TTC17: variants seen among roughly 807,000 people sequenced by gnomAD.
TTC17 encodes the protein tetratricopeptide repeat domain 17.
In TTC17, 58 loss-of-function variants were observed where a neutral mutation model predicts 143.8. The ratio of observed to expected loss-of-function variants is 0.40; its 90% CI spans 0.33 to 0.50. TTC17 has a LOEUF of 0.50. Among genes scored for constraint, TTC17 ranks in the 20% least tolerant of loss-of-function variants. The pLI, the probability that TTC17 is intolerant of heterozygous loss-of-function variation, is 0.49. For synonymous variants in TTC17, 501 were observed against 497.8 expected, an observed-to-expected ratio of 1.01 and a Z score of -0.09; for missense variants, 1,273 against 1,392.5, an observed-to-expected ratio of 0.91 and a Z score of 1.37.
At chr11:43,468,849 C>G (rs984442273) in intron 21 of TTC17, among the ~76,000 whole-genome samples, 2 of 151,928 alleles carry the variant, frequency 1.3e-5, no homozygotes, top group Non-Finnish European at 2.9e-5. Context: ...TGCTTGAGCC[C>G]AGGACTTTGA....
At position 43,493,961 on chromosome 11, in the gene TTC17, AAAG is replaced by A; in HGVS notation, c.*60_*62del. The A allele has an allele frequency of 6.6e-7, 1 of 1,510,824 alleles. No individual in the cohort carries two copies. The highest frequency in any genetic ancestry group is 8.9e-7 in the Non-Finnish European group (1 of 1,129,368). The allele number at this position is 1,510,824 out of a possible 1,614,324, so 93.6% of individuals were successfully genotyped here. A position where few individuals can be genotyped will look rare whatever the true frequency, so the allele number is the denominator to read the frequency against. ...CATGCTCTAAAAAAAAAGAATAAGA[AAAG>A]AAACCAATCATTGTCAGTATCTACT... On this transcript the variant is annotated 3_prime_UTR_variant, in exon 24 of 24. Coordinates refer to ENST00000039989, the MANE Select transcript of TTC17 (RefSeq NM_018259.6).
intron 21 of TTC17, among the ~76,000 whole-genome samples, chr11:43,469,366 A>G (rs148273530): frequency 1.6e-3 from 240 of 152,314 alleles, no homozygotes; most frequent in Non-Finnish European, 2.9e-3. Flanking sequence ...GCTGCTAGAA[A>G]TGTATCAAAG....
At chr11:43,393,299 G>C (rs1857457974) in intron 5 of TTC17, among the ~76,000 whole-genome samples, 1 of 152,154 alleles carries the variant, frequency 6.6e-6, no homozygotes, top group Non-Finnish European at 1.5e-5. Flanking sequence ...TGTTCCCACA[G>C]CTGCCTCCCC....
chr11:43,426,782 A>T (rs1158280386), intron 16 of TTC17, among the ~76,000 whole-genome samples: 1 of 152,162 alleles, frequency 6.6e-6, no homozygotes, highest in East Asian at 1.9e-4. Flanking sequence ...ACTTAATTTG[A>T]GGAGAAAAAA....
chr11:43,359,272 C>G (rs1165635404), intron 1 of TTC17, 159 bp downstream of exon 1: 1 of 878,300 alleles, frequency 1.1e-6, no homozygotes, highest in Non-Finnish European at 1.6e-6. Flanking sequence ...TCGGACCAGG[C>G]AGGCACTTCC....
At chr11:43,448,902 AAC>A (rs1352424103) in intron 19 of TTC17, 2 of 152,236 alleles carry the variant, frequency 1.3e-5, no homozygotes, top group South Asian at 2.1e-4. Flanking sequence ...TTAGGCCAAA[AAC>A]CTGGGAGTTA....
intron 1 of TTC17, among the ~76,000 whole-genome samples, chr11:43,361,655 A>G (rs1331299948): frequency 1.3e-5 from 2 of 152,270 alleles, no homozygotes; most frequent in African/African-American, 4.8e-5. Flanking sequence ...TTGTAAAGTC[A>G]AGAAATTATA....
Position 43,448,062 on chromosome 11 carries a change from G to T in TTC17, c.2726G>T (p.Arg909Leu). 6.2e-7 allele frequency: 1 copy of T among 1,614,100 alleles called. No individual in the cohort carries two copies. The highest frequency in any genetic ancestry group is 8.5e-7 in the Non-Finnish European group (1 of 1,179,978). The part of the protein sequence containing the change: ...WPSPDECLKL[R>L]WVELTAIVST... ...AGCCCGGACGAATGCCTCAAACTCC[G>T]CTGGGTAGAGCTGACTGCCATCGTG... The change falls in exon 19 of 24, where the codon CGC (arginine) becomes CTC (leucine). Residue 909 changes from arginine to leucine, a missense_variant. Arg to Leu is a moderately radical substitution (Grantham distance 102). Around this residue, in one of 3 missense-constraint regions of TTC17, gnomAD observed 878 missense variants for 899.8 expected, o/e 0.98. Coordinates refer to ENST00000039989, the MANE Select transcript of TTC17 (RefSeq NM_018259.6).
At chr11:43,376,054 G>A (rs959200629) in intron 1 of TTC17, among the ~76,000 whole-genome samples, 8 of 152,146 alleles carry the variant, frequency 5.3e-5, no homozygotes, top group Non-Finnish European at 1.2e-4. Context: ...ACATGTACAG[G>A]TTGAGTATCC....
chr11:43,434,231 A>ACACACT (rs1554994994), intron 16 of TTC17, among the ~76,000 whole-genome samples: 1 of 106,512 alleles, frequency 9.4e-6, no homozygotes, highest in African/African-American at 3.6e-5. Flanking sequence ...ACACACACAC[A>ACACACT]CTCTCATGGC....
intron 16 of TTC17, among the ~76,000 whole-genome samples, chr11:43,418,390 T>G (rs1446962398): frequency 6.6e-6 from 1 of 152,168 alleles, no homozygotes; most frequent in East Asian, 1.9e-4. Flanking sequence ...TGCCCACTCT[T>G]GAATTGACTG....
At chr11:43,372,082 A>C (rs1178673663) in intron 1 of TTC17, among the ~76,000 whole-genome samples, 1 of 152,202 alleles carries the variant, frequency 6.6e-6, no homozygotes, top group Admixed American at 6.5e-5. Context: ...TTTAAACAAA[A>C]AAGAAAGAAA....
intron 1 of TTC17, among the ~76,000 whole-genome samples, chr11:43,372,381 CAA>C: frequency 6.6e-6 from 1 of 151,858 alleles, no homozygotes; most frequent in South Asian, 2.1e-4. Context: ...CCTTTCACTG[CAA>C]CTTCCACTTC....
At chr11:43,409,165 CT>C (rs1858286643) in intron 15 of TTC17, among the ~76,000 whole-genome samples, 1 of 152,206 alleles carries the variant, frequency 6.6e-6, no homozygotes, top group Non-Finnish European at 1.5e-5. Context: ...CTCTAAAAAA[CT>C]TATTCCTACC....
chr11:43,375,731 C>A (rs776904451), intron 1 of TTC17, among the ~76,000 whole-genome samples: 4 of 151,600 alleles, frequency 2.6e-5, no homozygotes, highest in Admixed American at 6.6e-5. Context: ...CAGAAATGTT[C>A]AGTTTTCTGC....
At chr11:43,408,199 C>CA (rs2134598119) in intron 15 of TTC17, among the ~76,000 whole-genome samples, 1 of 152,218 alleles carries the variant, frequency 6.6e-6, no homozygotes, top group South Asian at 2.1e-4. Flanking sequence ...AATAAATATA[C>CA]AATTAAATTG....
chr11:43,420,599 T>C (rs1272453428), intron 16 of TTC17, among the ~76,000 whole-genome samples: 1 of 152,190 alleles, frequency 6.6e-6, no homozygotes, highest in Non-Finnish European at 1.5e-5. Flanking sequence ...GTAGACAGTA[T>C]TTTTCTTTTG....
intron 20 of TTC17, 142 bp from the exon 21 acceptor site, chr11:43,451,040 A>T (rs1947647416): frequency 1.5e-6 from 1 of 667,760 alleles, no homozygotes; most frequent in Admixed American, 2.8e-5. Context: ...TCTTCCATAG[A>T]TTACCTTACC....
chr11:43,482,606 G>T (rs1425477960), intron 21 of TTC17, among the ~76,000 whole-genome samples: 3 of 152,016 alleles, frequency 2.0e-5, no homozygotes, highest in Non-Finnish European at 4.4e-5. Context: ...CCAGAATGTG[G>T]CCTATCTTGG....
Sources: allele counts gnomAD v4.1 joint callset (sites outside exome capture counted in the v4.1 genomes callset), GRCh38; gene constraint gnomAD v4.1.1; regional missense constraint gnomAD v4.1.1; transcripts MANE v1.5; gene names NCBI Gene and HGNC (gene_info 2026-07-23, HGNC 2026-07-21).